The following CARHSP1 variants were observed in gnomAD, a reference collection of about 807,000 sequenced individuals.
The protein encoded by CARHSP1 is calcium regulated heat stable protein 1.
Under a neutral mutation model 12.5 loss-of-function variants are expected in CARHSP1, and 14 were observed. That is an observed-to-expected ratio of 1.12 (90% CI 0.74 to 1.75). The LOEUF (loss-of-function observed/expected upper bound fraction) is 1.75, where lower values mean the gene tolerates loss of function less well. Ranked by LOEUF, CARHSP1 falls within the 40% of genes most tolerant of loss-of-function variation. The pLI is 0.00. For missense variants in CARHSP1, 343 were observed against 201.6 expected (o/e 1.70, Z -4.25); for synonymous variants, 161 against 82.0 (o/e 1.96, Z -5.20).
At chr16:8,864,056 G>A (rs532713874) in intron 1 of CARHSP1, among the ~76,000 whole-genome samples, 1 of 152,316 alleles carries the variant, frequency 6.6e-6, no homozygotes, top group East Asian at 1.9e-4. Context: ...TGAGCTTCTG[G>A]CCTGCAACAA....
chr16:8,864,256 G>T (rs563926000), intron 1 of CARHSP1, among the ~76,000 whole-genome samples: 1 of 152,156 alleles, frequency 6.6e-6, no homozygotes, highest in African/African-American at 2.4e-5. Flanking sequence ...GTGTATGCAT[G>T]CGTGAACTTG....
At chr16:8,855,621 G>C (rs1222218439) in intron 3 of CARHSP1, among the ~76,000 whole-genome samples, 1 of 152,214 alleles carries the variant, frequency 6.6e-6, no homozygotes, top group Non-Finnish European at 1.5e-5. Context: ...TGAAATGTGG[G>C]AGGGAGCCTG....
chr16:8,861,898 G>T, intron 1 of CARHSP1: 1 of 927,304 alleles, frequency 1.1e-6, no homozygotes, highest in Middle Eastern at 4.9e-4. Context: ...TGGGAGCAGT[G>T]GCCTCGCAAC....
chr16:8,866,596 A>G (rs1444560622), intron 1 of CARHSP1: 2 of 282,912 alleles, frequency 7.1e-6, no homozygotes, highest in Non-Finnish European at 1.1e-5. Flanking sequence ...GAGGCCGAGA[A>G]CGAGCCAGAG....
intron 1 of CARHSP1, among the ~76,000 whole-genome samples, chr16:8,866,150 C>G (rs1468527795): frequency 2.6e-5 from 4 of 152,118 alleles, no homozygotes; most frequent in Non-Finnish European, 4.4e-5. Context: ...GACAAGGTCT[C>G]ACTGTGTTGT....
At chr16:8,862,217 T>C (rs910099328) in intron 1 of CARHSP1, among the ~76,000 whole-genome samples, 6 of 151,892 alleles carry the variant, frequency 4.0e-5, no homozygotes, top group African/African-American at 1.5e-4. Context: ...CTGTGTGGTC[T>C]TGTACAAGTT....
At chr16:8,866,901 C>A (rs1044666746) in intron 1 of CARHSP1, among the ~76,000 whole-genome samples, 2 of 152,164 alleles carry the variant, frequency 1.3e-5, no homozygotes, top group Non-Finnish European at 2.9e-5. Context: ...CCAGGCCCCG[C>A]CAAGCTGGGA....
intron 1 of CARHSP1, among the ~76,000 whole-genome samples, chr16:8,863,638 A>C (rs2061407026): frequency 1.3e-5 from 2 of 152,160 alleles, no homozygotes; most frequent in African/African-American, 2.4e-5. Flanking sequence ...ATCTGGGCTG[A>C]AGCCAAGCTG....
chr16:8,867,724 C>G (rs1034594475), intron 1 of CARHSP1: 3 of 152,422 alleles, frequency 2.0e-5, no homozygotes, highest in Non-Finnish European at 2.9e-5. Context: ...ACCGAGGCCA[C>G]CCAGGGAGTG....
At chr16:8,860,404 C>G in intron 1 of CARHSP1, 2 of 985,432 alleles carry the variant, frequency 2.0e-6, no homozygotes, top group Non-Finnish European at 2.4e-6. Flanking sequence ...GTGCTTTTGA[C>G]AATTTTTCAA....
chr16:8,857,656 G>C (rs11862298), intron 3 of CARHSP1: 144,312 of 145,192 alleles, frequency 0.99, 71,723 homozygotes, highest in Middle Eastern at 1. Flanking sequence ...ATGGCGAGAT[G>C]TCGGCTCACT....
intron 3 of CARHSP1, among the ~76,000 whole-genome samples, chr16:8,856,213 C>T (rs922775570): frequency 2.0e-5 from 3 of 152,166 alleles, no homozygotes; most frequent in Admixed American, 6.5e-5. Context: ...TTCTAGGGGA[C>T]ATGAGTCACC....
chr16:8,859,045 C>G, intron 2 of CARHSP1, 126 bp downstream of exon 2: 1 of 875,318 alleles, frequency 1.1e-6, no homozygotes, highest in Non-Finnish European at 1.7e-6. Context: ...GCCCACGGCC[C>G]AGCCCCAGGT....
intron 1 of CARHSP1, among the ~76,000 whole-genome samples, chr16:8,863,209 C>T (rs1215313975): frequency 2.8e-5 from 4 of 143,978 alleles, no homozygotes; most frequent in Admixed American, 7.3e-5. Flanking sequence ...AGCCTCTCAA[C>T]CTCCTGGGCT....
chr16:8,860,549 C>A (rs1009048907), intron 1 of CARHSP1: 11 of 984,562 alleles, frequency 1.1e-5, no homozygotes, highest in Non-Finnish European at 1.3e-5. Flanking sequence ...AAGTCCTTTC[C>A]CATCTCTGGG....
chr16:8,865,995 C>G (rs1222984551), intron 1 of CARHSP1, among the ~76,000 whole-genome samples: 1 of 152,004 alleles, frequency 6.6e-6, no homozygotes, highest in Admixed American at 6.6e-5. Context: ...GCTTTGTTAC[C>G]CAGGCTGGAG....
chr16:8,858,588 C>G (rs1181499960), intron 2 of CARHSP1, 116 bp from the exon 3 acceptor site: 15 of 1,275,798 alleles, frequency 1.2e-5, no homozygotes, highest in Admixed American at 2.3e-5. Context: ...CCGCCATGTA[C>G]AGTCACACAG....
At chr16:8,861,843 G>T (rs778635361) in intron 1 of CARHSP1, 70 of 1,192,324 alleles carry the variant, frequency 5.9e-5, no homozygotes, top group Non-Finnish European at 7.2e-5. Flanking sequence ...AAAGAGGCTG[G>T]CCCTGGGAGG....
intron 2 of CARHSP1, 140 bp downstream of exon 2, chr16:8,859,031 C>G (rs1020612692): frequency 2.7e-5 from 20 of 739,798 alleles, no homozygotes; most frequent in Admixed American, 6.3e-5. Flanking sequence ...GTTTCTCACC[C>G]TCAGCCCACG....
Sources: gnomAD v4.1 joint callset for allele counts (sites outside exome capture counted in the v4.1 genomes callset) on GRCh38, gnomAD v4.1.1 for gene constraint, MANE v1.5 for transcripts, NCBI Gene and HGNC (gene_info 2026-07-23, HGNC 2026-07-21) for gene names.